The following THSD7B variants were observed in gnomAD, a reference collection of about 807,000 sequenced individuals.
THSD7B encodes thrombospondin type-1 domain-containing protein 7B.
A neutral mutation model predicts 213.6 loss-of-function variants in THSD7B; 138 were observed. That is an observed-to-expected ratio of 0.65 (90% CI 0.56 to 0.74). The LOEUF (loss-of-function observed/expected upper bound fraction) is 0.74, where lower values mean the gene tolerates loss of function less well. Ranked by LOEUF, THSD7B falls within the 30% of genes least tolerant of loss-of-function variation. THSD7B has a pLI of 0.00. For synonymous variants in THSD7B, 742 were observed against 687.0 expected, an observed-to-expected ratio of 1.08 and a Z score of -1.25; for missense variants, 1,931 against 1,991.5, an observed-to-expected ratio of 0.97 and a Z score of 0.58.
chr2:137,648,883 C>A (rs1172840292), intron 21 of THSD7B, among the ~76,000 whole-genome samples: 2 of 152,150 alleles, frequency 1.3e-5, no homozygotes, highest in East Asian at 3.9e-4. Flanking sequence ...AAATTCCCAC[C>A]AACAGTGTTC....
chr2:137,155,233 T>C (rs1679890740), intron 5 of THSD7B, among the ~76,000 whole-genome samples: 2 of 152,164 alleles, frequency 1.3e-5, no homozygotes, highest in Non-Finnish European at 2.9e-5. Flanking sequence ...AACATTGCTG[T>C]CTACCAAACC....
intron 15 of THSD7B, among the ~76,000 whole-genome samples, chr2:137,512,382 C>CTTTTTTT (rs70978233): frequency 1.2e-5 from 1 of 81,380 alleles, no homozygotes; most frequent in African/African-American, 6.3e-5. Flanking sequence ...CATTTATTTC[C>CTTTTTTT]TTTTTTTTTT....
chr2:136,891,198 C>T (rs909045630), intron 2 of THSD7B, among the ~76,000 whole-genome samples: 1 of 151,920 alleles, frequency 6.6e-6, no homozygotes, highest in African/African-American at 2.4e-5. Flanking sequence ...TCTCTGCTTC[C>T]TCTGAGTCAT....
At chr2:137,612,812 G>A (rs1573743167) in intron 17 of THSD7B, among the ~76,000 whole-genome samples, 3 of 150,242 alleles carry the variant, frequency 2.0e-5, no homozygotes, top group African/African-American at 7.6e-5. Context: ...AGAACAATGA[G>A]AGAAAGATTG....
intron 2 of THSD7B, among the ~76,000 whole-genome samples, chr2:136,942,341 G>T (rs1007272123): frequency 3.9e-5 from 6 of 152,048 alleles, no homozygotes; most frequent in Non-Finnish European, 8.8e-5. Context: ...CTCTTTTTTG[G>T]TTCCATATGA....
At position 136,884,904 on chromosome 2, in the gene THSD7B, A is replaced by G. The variant is rs75447535; in HGVS notation, c.139+2587A>G. 2.9e-3 allele frequency among the ~76,000 whole-genome samples: 439 copies of G among 152,272 alleles called. 11 individuals are homozygous for G. The East Asian group carries it at 0.07, about 24-fold the overall frequency. ...GCTGACATGAATGCAGTATTATTTTAAAGGTAAGCAATAATAAATTGATTT... is the reference window on the plus strand; with the variant it reads ...GCTGACATGAATGCAGTATTATTTTGAAGGTAAGCAATAATAAATTGATTT... On this transcript the variant is annotated intron_variant, in intron 2 of 27. Transcript: ENST00000409968.
chr2:136,843,473 AT>A (rs1404506759), intron 1 of THSD7B, among the ~76,000 whole-genome samples: 2 of 152,194 alleles, frequency 1.3e-5, no homozygotes, highest in African/African-American at 2.4e-5. Context: ...GGAGAAAAAA[AT>A]ATTACATAAA....
chr2:137,518,351 C>T (rs1026087569), intron 15 of THSD7B, among the ~76,000 whole-genome samples: 5 of 152,158 alleles, frequency 3.3e-5, no homozygotes, highest in African/African-American at 1.2e-4. Context: ...GAAGTCTTCC[C>T]AGTGGGCAGA....
chr2:137,076,274 A>T (rs570342290), intron 3 of THSD7B, among the ~76,000 whole-genome samples: 17 of 152,026 alleles, frequency 1.1e-4, no homozygotes, highest in African/African-American at 4.1e-4. Flanking sequence ...ACCTAATCAA[A>T]CTAATTCGAC....
intron 20 of THSD7B, among the ~76,000 whole-genome samples, chr2:137,641,591 G>A (rs549721356): frequency 6.6e-6 from 1 of 152,226 alleles, no homozygotes; most frequent in Non-Finnish European, 1.5e-5. Context: ...GAAAGAGAGA[G>A]TGAGAGTGAA....
At chr2:137,639,640 G>T (rs1558868301) in intron 20 of THSD7B, among the ~76,000 whole-genome samples, 1 of 152,128 alleles carries the variant, frequency 6.6e-6, no homozygotes, top group Non-Finnish European at 1.5e-5. Context: ...GCAAGAGGGA[G>T]GCTGTGCCCT....
At chr2:137,501,124 A>G (rs957447007) in intron 15 of THSD7B, among the ~76,000 whole-genome samples, 6 of 152,126 alleles carry the variant, frequency 3.9e-5, no homozygotes, top group Admixed American at 2.0e-4. Context: ...GTCAGGGGGT[A>G]TATTGCTTCA....
chr2:137,413,281 A>G (rs1038793877), intron 14 of THSD7B, among the ~76,000 whole-genome samples: 2 of 152,160 alleles, frequency 1.3e-5, no homozygotes, highest in African/African-American at 4.8e-5. Context: ...TTTAGCTTGT[A>G]TGTGCGCATT....
intron 5 of THSD7B, among the ~76,000 whole-genome samples, chr2:137,129,157 C>G (rs116257856): frequency 1.5e-4 from 23 of 152,140 alleles, no homozygotes; most frequent in African/African-American, 3.4e-4. Context: ...ATTTTCTACT[C>G]GTTTTCAAGT....
chr2:136,805,639 T>C (rs1327040257), intron 1 of THSD7B, among the ~76,000 whole-genome samples: 2 of 151,850 alleles, frequency 1.3e-5, no homozygotes, highest in African/African-American at 4.8e-5. Flanking sequence ...AGAACCGTAT[T>C]GGCTGCATCT....
At chr2:137,069,950 T>G (rs1048863949) in intron 3 of THSD7B, among the ~76,000 whole-genome samples, 1 of 151,428 alleles carries the variant, frequency 6.6e-6, no homozygotes, top group African/African-American at 2.4e-5. Context: ...GTTGTTGTGT[T>G]GGTGGGAATG....
chr2:137,369,058 CT>C (rs1207870246), intron 12 of THSD7B, among the ~76,000 whole-genome samples: 5 of 125,104 alleles, frequency 4.0e-5, no homozygotes, highest in Non-Finnish European at 6.3e-5. Context: ...AAGCCACTTA[CT>C]TTTTTGAAGT....
intron 15 of THSD7B, among the ~76,000 whole-genome samples, chr2:137,549,831 G>T (rs1242020552): frequency 6.6e-6 from 1 of 151,952 alleles, no homozygotes; most frequent in Non-Finnish European, 1.5e-5. Context: ...TGTCCTCAAG[G>T]TTCATCCATA....
At chr2:137,284,750 C>G (rs905774395) in intron 12 of THSD7B, among the ~76,000 whole-genome samples, 1 of 152,120 alleles carries the variant, frequency 6.6e-6, no homozygotes, top group African/African-American at 2.4e-5. Flanking sequence ...TTTGATTGCA[C>G]TGTGGTCTGA....
Sources: allele counts gnomAD v4.1 joint callset (sites outside exome capture counted in the v4.1 genomes callset), GRCh38; gene constraint gnomAD v4.1.1; transcripts MANE v1.5; gene names NCBI Gene and HGNC (gene_info 2026-07-23, HGNC 2026-07-21).